The following CNTNAP2 variants were observed in gnomAD, a reference collection of about 807,000 sequenced individuals.
The protein encoded by CNTNAP2 is contactin-associated protein-like 2.
A neutral mutation model predicts 155.2 loss-of-function variants in CNTNAP2; 98 were observed. The observed-to-expected ratio is 0.63, with a 90% confidence interval of 0.54 to 0.75. The LOEUF (loss-of-function observed/expected upper bound fraction) is 0.75. Ranked by LOEUF, CNTNAP2 falls within the 30% of genes least tolerant of loss-of-function variation. The pLI is 0.00. For synonymous variants in CNTNAP2, 651 were observed against 631.2 expected, an observed-to-expected ratio of 1.03 and a Z score of -0.47; for missense variants, 1,727 against 1,688.1, an observed-to-expected ratio of 1.02 and a Z score of -0.40.
chr7:147,370,521 G>A (rs566671515), intron 9 of CNTNAP2, among the ~76,000 whole-genome samples: 1 of 152,242 alleles, frequency 6.6e-6, no homozygotes, highest in Non-Finnish European at 1.5e-5. Context: ...TAACCATGAT[G>A]GGAGTATCTA....
chr7:146,686,958 G>A (rs1336773224), intron 1 of CNTNAP2, among the ~76,000 whole-genome samples: 2 of 152,160 alleles, frequency 1.3e-5, no homozygotes, highest in African/African-American at 2.4e-5. Context: ...GAAGCACTAT[G>A]TTGATGATAT....
chr7:146,705,528 G>A (rs1322823122), intron 1 of CNTNAP2, among the ~76,000 whole-genome samples: 1 of 151,956 alleles, frequency 6.6e-6, no homozygotes, highest in Admixed American at 6.6e-5. Flanking sequence ...AATCTTCTTG[G>A]TACAACGTAT....
chr7:146,494,468 G>T (rs889546455), intron 1 of CNTNAP2, among the ~76,000 whole-genome samples: 1 of 151,972 alleles, frequency 6.6e-6, no homozygotes, highest in Non-Finnish European at 1.5e-5. Context: ...TTCCCTGAAA[G>T]CATAAAGAAT....
At chr7:148,232,329 C>A (rs1359014353) in intron 20 of CNTNAP2, among the ~76,000 whole-genome samples, 7 of 152,172 alleles carry the variant, frequency 4.6e-5, no homozygotes, top group Non-Finnish European at 1.0e-4. Context: ...TTTGCAACAC[C>A]AAATAACACT....
intron 1 of CNTNAP2, among the ~76,000 whole-genome samples, chr7:146,737,447 T>A (rs533022225): frequency 2.6e-5 from 4 of 152,130 alleles, no homozygotes; most frequent in Non-Finnish European, 5.9e-5. Context: ...CCCTAGCCCC[T>A]GGTAACCAGC....
chr7:146,466,058 C>A, intron 1 of CNTNAP2, among the ~76,000 whole-genome samples: 1 of 152,216 alleles, frequency 6.6e-6, no homozygotes. Context: ...CGCTGGGCTA[C>A]ACCATAAAAG....
At chr7:147,693,677 A>G (rs1476314801) in intron 13 of CNTNAP2, among the ~76,000 whole-genome samples, 1 of 151,728 alleles carries the variant, frequency 6.6e-6, no homozygotes, top group Non-Finnish European at 1.5e-5. Context: ...TTGTACTTTG[A>G]CCTTGTATCT....
rs1334666396 is a variant in CNTNAP2, at chr7:147,553,094, G to T, written c.1778-9044G>T. Among the ~76,000 whole-genome samples, 3 of 152,224 alleles carry T rather than the reference G, an allele frequency of 2.0e-5. No individual in the cohort carries two copies. The South Asian group carries it at 6.2e-4, about 32-fold the overall frequency. On this transcript the variant is annotated intron_variant, in intron 11 of 23. Coordinates refer to ENST00000361727, the MANE Select transcript of CNTNAP2 (RefSeq NM_014141.6). ...TAGTGAAAGCCCAGGGTAGGTATCA[G>T]TGACATTCTTGAAGGTGAGACAGCA...
At chr7:148,049,318 A>T (rs1000529368) in intron 15 of CNTNAP2, among the ~76,000 whole-genome samples, 1 of 152,238 alleles carries the variant, frequency 6.6e-6, no homozygotes, top group African/African-American at 2.4e-5. Flanking sequence ...ATTTATGGAC[A>T]TCTTTGAAGG....
intron 14 of CNTNAP2, among the ~76,000 whole-genome samples, chr7:147,950,643 G>A (rs940706979): frequency 3.3e-5 from 5 of 152,162 alleles, no homozygotes; most frequent in Admixed American, 3.3e-4. Context: ...TGCTCTGTCC[G>A]AATCACAGAA....
intron 13 of CNTNAP2, among the ~76,000 whole-genome samples, chr7:147,751,034 C>T (rs963473703): frequency 3.3e-5 from 5 of 151,092 alleles, no homozygotes; most frequent in East Asian, 1.9e-4. Flanking sequence ...AGCGAGACTC[C>T]GTCTCAAAAA....
At chr7:147,619,002 G>A (rs900885181) in intron 12 of CNTNAP2, among the ~76,000 whole-genome samples, 3 of 152,074 alleles carry the variant, frequency 2.0e-5, no homozygotes, top group African/African-American at 7.2e-5. Flanking sequence ...ACAGGAACAG[G>A]TCTCCAGAGT....
chr7:147,632,217 A>G (rs148052547), intron 12 of CNTNAP2, among the ~76,000 whole-genome samples: 33 of 152,320 alleles, frequency 2.2e-4, no homozygotes, highest in African/African-American at 7.7e-4. Context: ...CAACAAACAT[A>G]TGAAAACATG....
chr7:148,410,893 A>G (rs992720432), intron 23 of CNTNAP2, among the ~76,000 whole-genome samples: 1 of 152,204 alleles, frequency 6.6e-6, no homozygotes, highest in African/African-American at 2.4e-5. Context: ...TAGGATGACT[A>G]TATCTAACAA....
At chr7:147,324,518 C>T (rs1795414838) in intron 9 of CNTNAP2, among the ~76,000 whole-genome samples, 1 of 149,926 alleles carries the variant, frequency 6.7e-6, no homozygotes, top group South Asian at 2.2e-4. Context: ...AAGGTGTGTT[C>T]TTTCCCTAGA....
At chr7:146,643,698 A>G (rs1315355373) in intron 1 of CNTNAP2, among the ~76,000 whole-genome samples, 1 of 152,146 alleles carries the variant, frequency 6.6e-6, no homozygotes, top group African/African-American at 2.4e-5. Flanking sequence ...TTCTGTGAAG[A>G]AAGTCATTGG....
chr7:147,002,876 A>G (rs1222202584), intron 3 of CNTNAP2, among the ~76,000 whole-genome samples: 1 of 145,208 alleles, frequency 6.9e-6, no homozygotes, highest in East Asian at 2.1e-4. Flanking sequence ...ATTATCTTGC[A>G]GGTTAGGGTT....
At chr7:146,354,440 A>G (rs2129099450) in intron 1 of CNTNAP2, among the ~76,000 whole-genome samples, 1 of 143,900 alleles carries the variant, frequency 6.9e-6, no homozygotes, top group African/African-American at 2.7e-5. Flanking sequence ...TTTGAGACAG[A>G]ATCTCACTCT....
chr7:147,678,357 A>T (rs1361690439), intron 13 of CNTNAP2, among the ~76,000 whole-genome samples: 1 of 151,906 alleles, frequency 6.6e-6, no homozygotes, highest in Non-Finnish European at 1.5e-5. Context: ...TGCTAGGATT[A>T]TTTTACTAAT....
Sources: gnomAD v4.1 joint callset for allele counts (sites outside exome capture counted in the v4.1 genomes callset) on GRCh38, gnomAD v4.1.1 for gene constraint, MANE v1.5 for transcripts, NCBI Gene and HGNC (gene_info 2026-07-23, HGNC 2026-07-21) for gene names.